CMC1: variants seen among roughly 807,000 people sequenced by gnomAD.
CMC1 encodes the protein COX assembly mitochondrial protein homolog.
In CMC1, 14 loss-of-function variants were observed where a neutral mutation model predicts 14.1. That is an observed-to-expected ratio of 0.99 (90% CI 0.66 to 1.55). The LOEUF (loss-of-function observed/expected upper bound fraction) is 1.55. CMC1 is among the 40% of genes most tolerant of loss of function. The pLI is 0.00. For missense variants in CMC1, 127 were observed against 123.8 expected (o/e 1.03, Z -0.12); for synonymous variants, 50 against 38.4 (o/e 1.30, Z -1.12).
intron 1 of CMC1, among the ~76,000 whole-genome samples, chr3:28,246,048 C>T (rs1159233737): frequency 6.6e-6 from 1 of 151,844 alleles, no homozygotes; most frequent in Non-Finnish European, 1.5e-5. Context: ...AGTAATCTGC[C>T]CACCTCGGCC....
intron 2 of CMC1, among the ~76,000 whole-genome samples, chr3:28,309,889 T>C (rs1290676923): frequency 2.2e-5 from 3 of 137,968 alleles, no homozygotes; most frequent in Non-Finnish European, 4.6e-5. Flanking sequence ...CATTTTAACA[T>C]TGCCTGCTGG....
chr3:28,304,775 T>A (rs2125584875), intron 2 of CMC1, among the ~76,000 whole-genome samples: 1 of 152,324 alleles, frequency 6.6e-6, no homozygotes, highest in South Asian at 2.1e-4. Context: ...CAATTTTTAT[T>A]CCCTATTTTA....
chr3:28,299,698 T>TA (rs1169882438), intron 2 of CMC1, among the ~76,000 whole-genome samples: 2 of 152,142 alleles, frequency 1.3e-5, no homozygotes, highest in African/African-American at 2.4e-5. Flanking sequence ...ACCAAGTGAT[T>TA]AAACCTCTGC....
chr3:28,273,841 G>A (rs887731328), intron 2 of CMC1, among the ~76,000 whole-genome samples: 4 of 152,144 alleles, frequency 2.6e-5, no homozygotes, highest in Non-Finnish European at 5.9e-5. Flanking sequence ...ATGGATCCCT[G>A]TACCATTATG....
chr3:28,323,790 CTTAAG>C lies in CMC1; in HGVS notation c.*4164_*4168del, dbSNP rs1703271363. 9.9e-6 allele frequency: 3 copies of C among 301,828 alleles called. No individual in the cohort carries two copies. Among genetic ancestry groups the C allele is most frequent in the East Asian group, 1.1e-4 (2 of 18,450 alleles). 18.7% of individuals were successfully genotyped at this position (301,828 alleles called of 1,614,324 possible). On this transcript the variant is annotated 3_prime_UTR_variant, in exon 4 of 4. Transcript: ENST00000466830. ...ATAGAAGGCAGAGTTTTTTAAACAC[CTTAAG>C]TTTACTTATTAATTAGTATAGTAGC...
At chr3:28,261,229 AT>A (rs1699720057) in intron 1 of CMC1, among the ~76,000 whole-genome samples, 1 of 150,168 alleles carries the variant, frequency 6.7e-6, no homozygotes, top group South Asian at 2.1e-4. Flanking sequence ...GAGAGATTTT[AT>A]TTTACAAAGA....
chr3:28,324,302 C>T lies in CMC1; in HGVS notation c.*4673C>T. ...ATTGCTTTCTCTGATAAAACCTTTA[C>T]ATCTCCTGGTAAAGGGGAAGATGTG... On this transcript the variant is annotated 3_prime_UTR_variant, in exon 4 of 4. Coordinates refer to ENST00000466830, the MANE Select transcript of CMC1 (RefSeq NM_182523.2). 6.2e-7 allele frequency: 1 copy of T among 1,607,350 alleles called. No individual in the cohort carries two copies.
Position 28,265,408 on chromosome 3 carries a change from A to G in CMC1, c.109+2028A>G, listed in dbSNP as rs138720012. Among the ~76,000 whole-genome samples the G allele has an allele frequency of 9.1e-3, 1,389 of 152,276 alleles. 22 individuals are homozygous for G. The highest frequency in any genetic ancestry group is 0.031 in the African/African-American group (1,302 of 41,570). On this transcript the variant is annotated intron_variant, in intron 2 of 3. Coordinates refer to ENST00000466830, the MANE Select transcript of CMC1 (RefSeq NM_182523.2). ...AAAACTTCATTTAAACTCAACAGTT[A>G]TACATAATTTAGAATCGGGACATTT... is the stretch of plus-strand genomic sequence containing the variant.
Position 28,319,536 on chromosome 3 carries a change from A to C in CMC1, c.228A>C (p.Glu76Asp). The C allele has an allele frequency of 1.2e-6, 2 of 1,605,460 alleles. No homozygotes were observed. The highest frequency in any genetic ancestry group is 1.7e-6 in the Non-Finnish European group (2 of 1,174,332). The change falls in exon 4 of 4, where the codon GAA becomes GAC. Residue 76 changes from glutamate to aspartate, a missense_variant. Physicochemically the swap from Glu to Asp is conservative, Grantham distance 45. Coordinates refer to ENST00000466830, the MANE Select transcript of CMC1 (RefSeq NM_182523.2). Reference sequence around the variant, plus strand: ...ATAATGATCCAGCCTTTTATGAAGAATGCAAAATGGAATACCTGAAGGAAA... The same window carrying C: ...ATAATGATCCAGCCTTTTATGAAGACTGCAAAATGGAATACCTGAAGGAAA... ...AYYNDPAFYE[E>D]CKMEYLKERE...
At chr3:28,282,944 G>A (rs1700973714) in intron 2 of CMC1, among the ~76,000 whole-genome samples, 1 of 152,034 alleles carries the variant, frequency 6.6e-6, no homozygotes, top group Non-Finnish European at 1.5e-5. Context: ...AGACTTACTA[G>A]GACATATCTT....
At position 28,319,908 on chromosome 3, in the gene CMC1, G is replaced by T; in HGVS notation, c.*279G>T. On this transcript the variant is annotated 3_prime_UTR_variant, in exon 4 of 4. Transcript: ENST00000466830. ...ATACTGATTTTTTAGAGTTCAATAT[G>T]GTCCTTATATTATTTTTTTCCAGTG... 4.7e-6 allele frequency: 1 copy of T among 210,742 alleles called. No individual in the cohort carries two copies. Among genetic ancestry groups the T allele is most frequent in the Non-Finnish European group, 9.4e-6 (1 of 106,608 alleles). The allele number at this position is 210,742 out of a possible 1,614,324, so 13.1% of individuals were successfully genotyped here.
intron 1 of CMC1, among the ~76,000 whole-genome samples, chr3:28,250,926 A>G (rs755102404): frequency 2.0e-5 from 3 of 152,216 alleles, no homozygotes; most frequent in Admixed American, 6.5e-5. Context: ...TGGATTCTTC[A>G]GTACACTCGT....
At chr3:28,294,982 A>AT (rs35749278) in intron 2 of CMC1, among the ~76,000 whole-genome samples, 70,641 of 151,626 alleles carry the variant, frequency 0.47, 17,068 homozygotes, top group Admixed American at 0.53. Context: ...CATTATTGTT[A>AT]TTTTTTTTAA....
At chr3:28,275,490 C>A (rs1165474445) in intron 2 of CMC1, among the ~76,000 whole-genome samples, 1 of 151,860 alleles carries the variant, frequency 6.6e-6, no homozygotes, top group African/African-American at 2.4e-5. Context: ...CCTGCTTCTT[C>A]CTGTGGGATC....
chr3:28,258,060 TTATATATA>T (rs56153777), intron 1 of CMC1, among the ~76,000 whole-genome samples: 23,505 of 135,406 alleles, frequency 0.17, 2,584 homozygotes, highest in East Asian at 0.49. Context: ...TTGAGCACCT[TTATATATA>T]TATATATATA....
At chr3:28,243,049 T>C (rs1205955909) in intron 1 of CMC1, among the ~76,000 whole-genome samples, 2 of 151,956 alleles carry the variant, frequency 1.3e-5, no homozygotes, top group Non-Finnish European at 2.9e-5. Flanking sequence ...CCATATAATT[T>C]ATGGTATCTT....
intron 2 of CMC1, among the ~76,000 whole-genome samples, chr3:28,301,595 G>C (rs7651491): frequency 6.6e-6 from 1 of 151,230 alleles, no homozygotes; most frequent in Non-Finnish European, 1.5e-5. Context: ...TACTGCGATC[G>C]AATTTGGAGA....
intron 2 of CMC1, among the ~76,000 whole-genome samples, chr3:28,280,181 C>G (rs1264447414): frequency 6.6e-6 from 1 of 152,106 alleles, no homozygotes; most frequent in Non-Finnish European, 1.5e-5. Flanking sequence ...TGTTCTAGAA[C>G]AGGCAACATT....
chr3:28,294,881 T>C (rs1457970420), intron 2 of CMC1, among the ~76,000 whole-genome samples: 3 of 152,154 alleles, frequency 2.0e-5, no homozygotes, highest in Non-Finnish European at 4.4e-5. Context: ...GAACTAGTTA[T>C]ATTAGAACTC....
Sources: allele counts gnomAD v4.1 joint callset (sites outside exome capture counted in the v4.1 genomes callset), GRCh38; gene constraint gnomAD v4.1.1; transcripts MANE v1.5; gene names NCBI Gene and HGNC (gene_info 2026-07-23, HGNC 2026-07-21).